Variants in NCKIPSD observed in about 807,000 individuals in gnomAD.
NCKIPSD encodes NCK-interacting protein with SH3 domain.
A neutral mutation model predicts 73.4 loss-of-function variants in NCKIPSD; 48 were observed. The ratio of observed to expected loss-of-function variants is 0.65; its 90% CI spans 0.52 to 0.83. NCKIPSD has a LOEUF of 0.83. Among genes scored for constraint, NCKIPSD ranks in the 40% least tolerant of loss-of-function variants. NCKIPSD has a pLI of 0.00. For missense variants in NCKIPSD, 884 were observed against 970.2 expected, an observed-to-expected ratio of 0.91 and a Z score of 1.18; for synonymous variants, 422 against 403.6, an observed-to-expected ratio of 1.05 and a Z score of -0.54.
Position 48,674,260 on chromosome 3 carries a change from A to G in NCKIPSD, c.*284T>C. 7.6e-7 allele frequency: 1 copy of G among 1,319,166 alleles called. No homozygotes were observed. Among genetic ancestry groups the G allele is most frequent in the Non-Finnish European group, 9.7e-7 (1 of 1,025,646 alleles). 81.7% of individuals were successfully genotyped at this position (1,319,166 alleles called of 1,614,324 possible). ...AGCGGCAGCAGGACTCTGAGTGTACACATGGGTGTGGGGTGAAGAGGGGGG... is the reference window on the plus strand; with the variant it reads ...AGCGGCAGCAGGACTCTGAGTGTACGCATGGGTGTGGGGTGAAGAGGGGGG... On this transcript the variant is annotated 3_prime_UTR_variant, in exon 13 of 13. Transcript: ENST00000294129.
At chr3:48,675,444 A>G (rs2077235619) in intron 12 of NCKIPSD, among the ~76,000 whole-genome samples, 1 of 147,146 alleles carries the variant, frequency 6.8e-6, no homozygotes, top group African/African-American at 2.5e-5. Context: ...CTCTCCTCCA[A>G]CCTATACTCC....
In NCKIPSD at chr3:48,682,403, C is replaced by T. The variant is rs777388211; in HGVS notation, c.431G>A (p.Arg144Gln). 20 of 1,613,980 alleles carry T rather than the reference C, an allele frequency of 1.2e-5. No individual in the cohort carries two copies. The highest frequency in any genetic ancestry group is 4.4e-5 in the South Asian group (4 of 91,078). The change falls in exon 3 of 13, where the codon CGG (arginine) becomes CAG (glutamine). Residue 144 changes from arginine to glutamine, a missense_variant. Arg to Gln is a conservative substitution (Grantham distance 43). Transcript: ENST00000294129. ...CTCAGAACTGGGTAGGCTGTGCTGC[C>T]GCTCGAACCCAGCTCGACACACCCC... ...PNGVCRAGFERQHSLPSSEHL... is the reference protein window; with the variant it reads ...PNGVCRAGFEQQHSLPSSEHL...
In NCKIPSD at chr3:48,673,903, T is replaced by C. The variant is rs2077212498; in HGVS notation, c.*641A>G. The C allele has an allele frequency of 2.8e-6, 3 of 1,058,320 alleles. No individual in the cohort carries two copies. In the South Asian group the frequency reaches 1.4e-4, roughly 48 times the overall value. The allele number at this position is 1,058,320 out of a possible 1,614,324, so 65.6% of individuals were successfully genotyped here. A position where few individuals can be genotyped will look rare whatever the true frequency, so the allele number is the denominator to read the frequency against. ...GCTACAGCACATAGGAAAATACACA[T>C]GGCTTTTCAGTCTACATTTTTACAG... is the stretch of plus-strand genomic sequence containing the variant. On this transcript the variant is annotated 3_prime_UTR_variant, in exon 13 of 13. Coordinates refer to ENST00000294129, the MANE Select transcript of NCKIPSD (RefSeq NM_016453.4).
intron 1 of NCKIPSD, among the ~76,000 whole-genome samples, chr3:48,685,047 G>T (rs2077413164): frequency 6.6e-6 from 1 of 151,566 alleles, no homozygotes; most frequent in Non-Finnish European, 1.5e-5. Context: ...GTTACATAGG[G>T]GATGGAGGTG....
chr3:48,684,413 G>C (rs2077403596), intron 1 of NCKIPSD, among the ~76,000 whole-genome samples: 1 of 152,158 alleles, frequency 6.6e-6, no homozygotes, highest in Admixed American at 6.5e-5. Context: ...GGTTGGGTCT[G>C]ACACACAGCA....
intron 1 of NCKIPSD, 88 bp from the exon 2 acceptor site, chr3:48,683,100 A>T (rs2077382518): frequency 6.5e-7 from 1 of 1,537,170 alleles, no homozygotes. Flanking sequence ...CCCAGGGCAG[A>T]GAACCAATAT....
At position 48,674,505 on chromosome 3, in the gene NCKIPSD, C is replaced by T. The variant is rs1378416599; in HGVS notation, c.*39G>A. 3.2e-6 allele frequency: 5 copies of T among 1,554,770 alleles called. No individual in the cohort carries two copies. The highest frequency in any genetic ancestry group is 4.4e-6 in the Non-Finnish European group (5 of 1,149,016). On this transcript the variant is annotated 3_prime_UTR_variant, in exon 13 of 13. Coordinates refer to ENST00000294129, the MANE Select transcript of NCKIPSD (RefSeq NM_016453.4). ...GGGCCAAGCCCCTGAGTCCCCTGCA[C>T]ACTGACTGGAGCTGCAGGGAAGGGA...
chr3:48,679,605 G>A lies in NCKIPSD; in HGVS notation c.1459C>T (p.Leu487=), dbSNP rs990820030. 6.2e-7 allele frequency: 1 copy of A among 1,614,202 alleles called. No homozygotes were observed. The highest frequency in any genetic ancestry group is 1.3e-5 in the African/African-American group (1 of 75,056). The change falls in exon 8 of 13, where the codon CTG becomes TTG. Residue 487 remains leucine (L), a synonymous_variant. Coordinates refer to ENST00000294129, the MANE Select transcript of NCKIPSD (RefSeq NM_016453.4). ...TLVSSVLPVE[L]ARDMQTDTQD... is the part of the protein sequence containing the mutation. ...GTGTCTGTCTGCATGTCCCTCGCCAGCTCTACAGGCAGCACGGATGACACA... is the reference window on the plus strand; with the variant it reads ...GTGTCTGTCTGCATGTCCCTCGCCAACTCTACAGGCAGCACGGATGACACA...
At chr3:48,682,845 A>G (rs543961478) in intron 2 of NCKIPSD, 58 bp downstream of exon 2, 15 of 1,518,496 alleles carry the variant, frequency 9.9e-6, no homozygotes, top group African/African-American at 2.8e-5. Flanking sequence ...CACTCATTGA[A>G]GAACCCCACC....
In NCKIPSD at chr3:48,679,641, T is replaced by C; in HGVS notation, c.1423A>G (p.Ile475Val). The C allele has an allele frequency of 6.2e-7, 1 of 1,614,186 alleles. No homozygotes were observed. The highest frequency in any genetic ancestry group is 8.5e-7 in the Non-Finnish European group (1 of 1,180,028). The change falls in exon 8 of 13, where the codon ATC (isoleucine) becomes GTC (valine). Residue 475 changes from isoleucine to valine, a missense_variant. By Grantham distance (29) the Ile-to-Val change is conservative (BLOSUM62 3). Coordinates refer to ENST00000294129, the MANE Select transcript of NCKIPSD (RefSeq NM_016453.4). ...AGCACGGATGACACAAGCGTGGAGATGATGGCTGCATCCAGGCTGCACATG... is the reference window on the plus strand; with the variant it reads ...AGCACGGATGACACAAGCGTGGAGACGATGGCTGCATCCAGGCTGCACATG... ...GAMCSLDAAI[I>V]STLVSSVLPV...
intron 12 of NCKIPSD, among the ~76,000 whole-genome samples, chr3:48,676,828 T>G (rs1387822034): frequency 6.7e-6 from 1 of 149,820 alleles, no homozygotes; most frequent in East Asian, 2.0e-4. Flanking sequence ...TGGAGTGCAG[T>G]GGTGTGATCT....
At chr3:48,680,036 T>C (rs773823442) in intron 6 of NCKIPSD, 23 bp downstream of exon 6, 9 of 1,605,670 alleles carry the variant, frequency 5.6e-6, no homozygotes, top group Middle Eastern at 3.3e-4. Context: ...ATGTGGGGTA[T>C]GTGTGTGGGA....
At position 48,681,359 on chromosome 3, in the gene NCKIPSD, AC is replaced by A. The variant is rs1172999205; in HGVS notation, c.1019del (p.Gly340ValfsTer22). 1 of 1,611,550 alleles carries A rather than the reference AC, an allele frequency of 6.2e-7. No homozygotes were observed. The highest frequency in any genetic ancestry group is 1.1e-5 in the South Asian group (1 of 90,876). On this transcript the variant is annotated frameshift_variant, in exon 5 of 13. Transcript: ENST00000294129. LOFTEE classifies it high-confidence loss of function. ...TGGCCGGCACCGAGGCCTGGATGTGACCCACTATGATGCCGATGGCCACCCG... is the reference window on the plus strand; with the variant it reads ...TGGCCGGCACCGAGGCCTGGATGTGACCACTATGATGCCGATGGCCACCCG... ...LCRVAIGIIV[G>X]HIQASVPASS...
rs748852507 is a variant in NCKIPSD at position 48,682,418 on chromosome 3, C to T, written c.416G>A (p.Arg139Gln). 17 of 1,614,046 alleles carry T rather than the reference C, an allele frequency of 1.1e-5. No individual in the cohort carries two copies. Among genetic ancestry groups the T allele is most frequent in the Admixed American group, 1.0e-4 (6 of 60,010 alleles). The change falls in exon 3 of 13, where the codon CGA becomes CAA. Residue 139 changes from arginine to glutamine, a missense_variant. By Grantham distance (43) the Arg-to-Gln change is conservative (BLOSUM62 1). Coordinates refer to ENST00000294129, the MANE Select transcript of NCKIPSD (RefSeq NM_016453.4). The stretch of plus-strand genomic sequence containing the variant: ...GCTGTGCTGCCGCTCGAACCCAGCT[C>T]GACACACCCCATTGGGCTGCCTGGC... The part of the protein sequence containing the change: ...AAARQPNGVC[R>Q]AGFERQHSLP...
In NCKIPSD at chr3:48,681,625, G is replaced by T; in HGVS notation, c.754C>A (p.His252Asn). ...TPPPVPRRGTHTTVSQVQPPP... is the reference protein window; with the variant it reads ...TPPPVPRRGTNTTVSQVQPPP... ...GGCTGGACTTGGGACACGGTGGTGT[G>T]GGTGCCTCGGCGGGGCACAGGTGGG... The change falls in exon 5 of 13, where the codon CAC (histidine) becomes AAC (asparagine). Residue 252 changes from histidine (H) to asparagine (N), a missense_variant. Coordinates refer to ENST00000294129, the MANE Select transcript of NCKIPSD (RefSeq NM_016453.4). 6.2e-7 allele frequency: 1 copy of T among 1,613,842 alleles called. No homozygotes were observed. Among genetic ancestry groups the T allele is most frequent in the Non-Finnish European group, 8.5e-7 (1 of 1,179,914 alleles).
In NCKIPSD at chr3:48,682,090, G is replaced by A. The variant is rs778053357; in HGVS notation, c.553C>T (p.Pro185Ser). 1.9e-6 allele frequency: 3 copies of A among 1,601,794 alleles called. No homozygotes were observed. Among genetic ancestry groups the A allele is most frequent in the Non-Finnish European group, 2.5e-6 (3 of 1,179,906 alleles). ...GCCTCGCGGTCTCGGCGCTTCACTG[G>A]TGGGGGCGGTGTGGTGGGTGCTGCT... ...RRAAPTTPPP[P>S]VKRRDREALM... is the part of the protein sequence containing the mutation. The change falls in exon 4 of 13, where the codon CCA (proline) becomes TCA (serine). Residue 185 changes from proline to serine, a missense_variant. Coordinates refer to ENST00000294129, the MANE Select transcript of NCKIPSD (RefSeq NM_016453.4).
Position 48,678,989 on chromosome 3 carries a change from T to C in NCKIPSD, c.1700-20A>G. 6.2e-7 allele frequency: 1 copy of C among 1,614,080 alleles called. No homozygotes were observed. The highest frequency in any genetic ancestry group is 8.5e-7 in the Non-Finnish European group (1 of 1,180,004). On this transcript the variant is annotated intron_variant, in intron 10 of 12. Transcript: ENST00000294129. The stretch of plus-strand genomic sequence containing the variant: ...CAGCAGCTAAGGAAGGACATGGGTA[T>C]AGACAGGGTGCTGAGCCTGAGAGCC...
chr3:48,685,907 A>C lies in NCKIPSD; in HGVS notation c.-100T>G, dbSNP rs903981005. 2.5e-6 allele frequency: 3 copies of C among 1,182,096 alleles called. No homozygotes were observed. The African/African-American group carries it at 4.9e-5, about 19-fold the overall frequency. 73.2% of individuals were successfully genotyped at this position (1,182,096 alleles called of 1,614,324 possible). On this transcript the variant is annotated 5_prime_UTR_variant, in exon 1 of 13. Transcript: ENST00000294129. ...CGCGCCGCGGTTGTCCCGCCCCGTG[A>C]CACACTACGCAGGCGCGCGCGCGCC...
intron 5 of NCKIPSD, among the ~76,000 whole-genome samples, chr3:48,680,880 C>A (rs1279240602): frequency 6.6e-5 from 10 of 152,326 alleles, no homozygotes; most frequent in Non-Finnish European, 1.2e-4. Flanking sequence ...CTGCCAAGGT[C>A]AGCAAGGCAC....
Sources: allele counts gnomAD v4.1 joint callset (sites outside exome capture counted in the v4.1 genomes callset), GRCh38; gene constraint gnomAD v4.1.1; transcripts MANE v1.5; gene names NCBI Gene and HGNC (gene_info 2026-07-23, HGNC 2026-07-21).